MMRN1: variants seen among roughly 807,000 people sequenced by gnomAD.
The protein encoded by MMRN1 is multimerin-1.
In MMRN1, 94 loss-of-function variants were observed where a neutral mutation model predicts 100.7. The ratio of observed to expected loss-of-function variants is 0.93; its 90% CI spans 0.79 to 1.11. The LOEUF is 1.11. Among genes scored for constraint, MMRN1 ranks in the 50% least tolerant of loss-of-function variants. MMRN1 has a pLI of 0.00. For missense variants in MMRN1, 1,606 were observed against 1,439.1 expected (o/e 1.12, Z -1.88); for synonymous variants, 575 against 505.0 (o/e 1.14, Z -1.86).
rs745619459 is a variant in MMRN1, at chr4:89,953,252, C to A, written c.3521C>A (p.Ser1174Tyr). The A allele has an allele frequency of 1.6e-5, 26 of 1,613,698 alleles. No individual in the cohort carries two copies. Among genetic ancestry groups the A allele is most frequent in the African/African-American group, 2.7e-5 (2 of 74,888 alleles). ...GGAATAGACAAGCTTGCATTTGAGTCTGAAAATATTAACAGTGAAATACAC... is the reference window on the plus strand; with the variant it reads ...GGAATAGACAAGCTTGCATTTGAGTATGAAAATATTAACAGTGAAATACAC... ...VDGIDKLAFE[S>Y]ENINSEIHCD... The change falls in exon 8 of 8, where the codon TCT (serine) becomes TAT (tyrosine). Residue 1174 changes from serine to tyrosine, a missense_variant. Coordinates refer to ENST00000264790, the MANE Select transcript of MMRN1 (RefSeq NM_007351.3).
chr4:89,891,418 T>C (rs554213272), upstream of MMRN1, among the ~76,000 whole-genome samples: 25 of 152,242 alleles, frequency 1.6e-4, no homozygotes, highest in Middle Eastern at 3.4e-3. Context: ...TGAATCAGGA[T>C]TGGGCATAAA....
intron 3 of MMRN1, among the ~76,000 whole-genome samples, chr4:89,921,105 A>C (rs546076470): frequency 6.6e-6 from 1 of 152,276 alleles, no homozygotes; most frequent in East Asian, 1.9e-4. Context: ...TTCCCTTCCT[A>C]ACAAAGTATC....
chr4:89,909,410 T>G lies in MMRN1; in HGVS notation c.743+15T>G, dbSNP rs762159652. 6.2e-7 allele frequency: 1 copy of G among 1,607,466 alleles called. No homozygotes were observed. Among genetic ancestry groups the G allele is most frequent in the South Asian group, 1.1e-5 (1 of 90,610 alleles). On this transcript the variant is annotated intron_variant, in intron 2 of 7. Coordinates refer to ENST00000264790, the MANE Select transcript of MMRN1 (RefSeq NM_007351.3). ...TGTCCTCAGAGGTATGTAATATTTC[T>G]TGAAAATAGCCACTGTTTTTGCACC...
At chr4:89,896,078 T>C (rs554441229) in intron 1 of MMRN1, among the ~76,000 whole-genome samples, 1 of 152,336 alleles carries the variant, frequency 6.6e-6, no homozygotes, top group South Asian at 2.1e-4. Context: ...GGCTTCAGTA[T>C]GGTCTAGTTC....
At chr4:89,931,533 A>T (rs535637367) in intron 5 of MMRN1, among the ~76,000 whole-genome samples, 1 of 152,074 alleles carries the variant, frequency 6.6e-6, no homozygotes, top group Non-Finnish European at 1.5e-5. Flanking sequence ...GTGTTAGTCC[A>T]TTTTCATATT....
rs550198498 is a variant in MMRN1, at chr4:89,895,043, G to A, written c.72G>A (p.Lys24=). 9.3e-6 allele frequency: 15 copies of A among 1,613,818 alleles called. No homozygotes were observed. In the South Asian group the frequency reaches 1.1e-4, roughly 12 times the overall value. Residue 24 remains lysine, a synonymous_variant, in exon 1 of 8, where the codon AAG becomes AAA. Transcript: ENST00000264790. The part of the protein sequence containing the change: ...WSGGIGLNNS[K]HSWTIPEDGN... Reference sequence around the variant, plus strand: ...GGGGCATTGGGCTTAACAACAGTAAGCATTCTTGGACTATACCTGAGGATG... The same window carrying A: ...GGGGCATTGGGCTTAACAACAGTAAACATTCTTGGACTATACCTGAGGATG...
At chr4:89,912,820 T>C (rs1380867412) in intron 3 of MMRN1, among the ~76,000 whole-genome samples, 1 of 151,156 alleles carries the variant, frequency 6.6e-6, no homozygotes, top group Non-Finnish European at 1.5e-5. Flanking sequence ...TGGCTCACAT[T>C]AAGAAAAAGA....
chr4:89,929,602 G>GT lies in MMRN1; in HGVS notation c.1129+1641dup, dbSNP rs1220019252. 5.3e-5 allele frequency among the ~76,000 whole-genome samples: 8 copies of GT among 152,052 alleles called. No individual in the cohort carries two copies. The East Asian group carries it at 5.8e-4, about 11-fold the overall frequency. ...ACCTAACAGAATTAGCCTGTCAACT[G>GT]TTTTTTTGTGACCTACCAGCCTACT... On this transcript the variant is annotated intron_variant, in intron 5 of 7. Coordinates refer to ENST00000264790, the MANE Select transcript of MMRN1 (RefSeq NM_007351.3).
At position 89,935,373 on chromosome 4, in the gene MMRN1, G is replaced by A. The variant is rs747274707; in HGVS notation, c.1693G>A (p.Glu565Lys). ...KQSLMMLQMF[E>K]DLHIQESKIN... ...GAGTTTGATGATGCTGCAAATGTTT[G>A]AAGATTTGCACATTCAAGAAAGCAA... The change falls in exon 6 of 8, where the codon GAA becomes AAA. Residue 565 changes from glutamate (E) to lysine (K), a missense_variant. Glu to Lys is a moderately conservative substitution (Grantham distance 56). Transcript: ENST00000264790. The A allele has an allele frequency of 1.2e-6, 2 of 1,613,138 alleles. No homozygotes were observed. Among genetic ancestry groups the A allele is most frequent in the South Asian group, 1.1e-5 (1 of 90,928 alleles).
In MMRN1 at chr4:89,888,230, C is replaced by T. The variant is rs527480762; in HGVS notation, c.-248-6494C>T. ...TAGTATATCTTATAGGGTGGGTCTT[C>T]TGAAATCAAATTCTTTCACGTTTTA... On this transcript the variant is annotated intron_variant, in intron 1 of 8. Transcript: ENST00000394980. Among the ~76,000 whole-genome samples the T allele has an allele frequency of 2.0e-4, 30 of 152,074 alleles. No homozygotes were observed. In the South Asian group the frequency reaches 5.6e-3, roughly 28 times the overall value.
chr4:89,882,140 T>G (rs1720833633), intron 1 of MMRN1, among the ~76,000 whole-genome samples: 1 of 151,822 alleles, frequency 6.6e-6, no homozygotes, highest in South Asian at 2.1e-4. Flanking sequence ...GGGATATTGT[T>G]GTCTCTTAAT....
At chr4:89,881,432 T>A (rs990874022) in intron 1 of MMRN1, among the ~76,000 whole-genome samples, 10 of 152,102 alleles carry the variant, frequency 6.6e-5, no homozygotes, top group African/African-American at 1.9e-4. Flanking sequence ...GAATGTTGTA[T>A]GTACTTGTTT....
Position 89,936,178 on chromosome 4 carries a change from A to G in MMRN1, c.2498A>G (p.Gln833Arg), listed in dbSNP as rs1722627703. The change falls in exon 6 of 8, where the codon CAA becomes CGA. Residue 833 changes from glutamine to arginine, a missense_variant. Gln to Arg is a conservative substitution (Grantham distance 43). Coordinates refer to ENST00000264790, the MANE Select transcript of MMRN1 (RefSeq NM_007351.3). The stretch of plus-strand genomic sequence containing the variant: ...CAAATGTTCAATGAAACCACTTCCC[A>G]AGTGAGAAAATACCAGCAAAATATG... ...MYQMFNETTS[Q>R]VRKYQQNMSH... is the part of the protein sequence containing the mutation. 2 of 1,611,000 alleles carry G rather than the reference A, an allele frequency of 1.2e-6. No homozygotes were observed. The highest frequency in any genetic ancestry group is 1.7e-6 in the Non-Finnish European group (2 of 1,179,166).
At chr4:89,880,215 T>A (rs747050436) in intron 1 of MMRN1, among the ~76,000 whole-genome samples, 11 of 152,162 alleles carry the variant, frequency 7.2e-5, no homozygotes, top group Non-Finnish European at 1.2e-4. Flanking sequence ...GTTTAAGCCC[T>A]AAAGTAAAAG....
chr4:89,925,499 T>C (rs1358062934), intron 4 of MMRN1, among the ~76,000 whole-genome samples: 1 of 140,398 alleles, frequency 7.1e-6, no homozygotes, highest in Non-Finnish European at 1.5e-5. Flanking sequence ...ATTTATATTT[T>C]TAATATATAT....
chr4:89,951,869 C>T (rs1008136869), intron 7 of MMRN1, 118 bp downstream of exon 7: 2 of 1,204,268 alleles, frequency 1.7e-6, no homozygotes, highest in Admixed American at 2.9e-5. Context: ...TTGACAATTC[C>T]TTTTACTTTT....
At chr4:89,896,974 A>G (rs1246185152) in intron 1 of MMRN1, among the ~76,000 whole-genome samples, 1 of 152,170 alleles carries the variant, frequency 6.6e-6, no homozygotes, top group Non-Finnish European at 1.5e-5. Context: ...TTTGCCATTA[A>G]AAAAACATTT....
chr4:89,880,855 T>TA (rs1022309800), intron 1 of MMRN1, among the ~76,000 whole-genome samples: 6 of 152,092 alleles, frequency 3.9e-5, no homozygotes, highest in Non-Finnish European at 8.8e-5. Context: ...GCAGGGATGT[T>TA]AAAAAACAGT....
At position 89,935,842 on chromosome 4, in the gene MMRN1, C is replaced by A; in HGVS notation, c.2162C>A (p.Ala721Asp). Reference sequence around the variant, plus strand: ...TTAGAAAGACGTATCAATGAATATGCCTTAGAAATGGAAGATGGCCTCAAT... The same window carrying A: ...TTAGAAAGACGTATCAATGAATATGACTTAGAAATGGAAGATGGCCTCAAT... ...DALERRINEY[A>D]LEMEDGLNKT... The change falls in exon 6 of 8, where the codon GCC becomes GAC. Residue 721 changes from alanine to aspartate, a missense_variant. By Grantham distance (126) the Ala-to-Asp change is moderately radical. Transcript: ENST00000264790. 1.2e-6 allele frequency: 2 copies of A among 1,612,704 alleles called. No individual in the cohort carries two copies. The highest frequency in any genetic ancestry group is 8.5e-7 in the Non-Finnish European group (1 of 1,179,364).
Sources: gnomAD v4.1 joint callset for allele counts (sites outside exome capture counted in the v4.1 genomes callset) on GRCh38, gnomAD v4.1.1 for gene constraint, MANE v1.5 for transcripts, NCBI Gene and HGNC (gene_info 2026-07-23, HGNC 2026-07-21) for gene names.